Variants in BCAT1 observed in about 807,000 individuals in gnomAD.
The protein encoded by BCAT1 is branched chain amino acid transaminase 1, also known as branched-chain-amino-acid aminotransferase, cytosolic.
A neutral mutation model predicts 52.4 loss-of-function variants in BCAT1; 48 were observed. The observed-to-expected ratio is 0.92, with a 90% CI of 0.73 to 1.16. The LOEUF is 1.16. Ranked by LOEUF, BCAT1 falls within the 50% of genes most tolerant of loss-of-function variation. BCAT1 has a pLI of 0.00. For synonymous variants in BCAT1, 167 were observed against 161.3 expected, an observed-to-expected ratio of 1.04 and a Z score of -0.27; for missense variants, 451 against 457.1, an observed-to-expected ratio of 0.99 and a Z score of 0.12.
At chr12:24,943,285 G>A (rs1943874688) in intron 1 of BCAT1, among the ~76,000 whole-genome samples, 1 of 151,946 alleles carries the variant, frequency 6.6e-6, no homozygotes, top group Non-Finnish European at 1.5e-5. Context: ...TGGAGCCCAG[G>A]AGTTCAAGAC....
chr12:24,826,763 C>A (rs1940415753), intron 10 of BCAT1, among the ~76,000 whole-genome samples: 1 of 152,100 alleles, frequency 6.6e-6, no homozygotes, highest in Non-Finnish European at 1.5e-5. Context: ...TCTTCCAATC[C>A]ATGAATATGG....
intron 10 of BCAT1, among the ~76,000 whole-genome samples, chr12:24,828,881 C>A (rs945730407): frequency 6.6e-6 from 1 of 151,878 alleles, no homozygotes; most frequent in African/African-American, 2.4e-5. Flanking sequence ...TGGCATGAGA[C>A]CTGTAATCCC....
chr12:24,870,390 A>G (rs1942149337), intron 5 of BCAT1, among the ~76,000 whole-genome samples: 1 of 152,266 alleles, frequency 6.6e-6, no homozygotes. Flanking sequence ...AGAAAAAAGT[A>G]GAGATGAAAG....
Position 24,832,816 on chromosome 12 carries a change from TGTCAA to T in BCAT1, c.946_950del (p.Leu316AsnfsTer25). The T allele has an allele frequency of 6.2e-7, 1 of 1,612,502 alleles. No individual in the cohort carries two copies. The highest frequency in any genetic ancestry group is 1.1e-5 in the South Asian group (1 of 90,632). The stretch of plus-strand genomic sequence containing the variant: ...TCACTCTGTTCCCCTCCAGGGCTGT[TGTCAA>T]GTCATCCATGGTGAGGTATCTCTCT... On this transcript the variant is annotated frameshift_variant, in exon 9 of 11. Coordinates refer to ENST00000261192, the MANE Select transcript of BCAT1 (RefSeq NM_005504.7). LOFTEE classifies it high-confidence loss of function.
In BCAT1 at chr12:24,832,737, G is replaced by A. The variant is rs1233713098; in HGVS notation, c.1030C>T (p.Leu344=). The A allele has an allele frequency of 6.2e-7, 1 of 1,610,716 alleles. No individual in the cohort carries two copies. The highest frequency in any genetic ancestry group is 1.3e-5 in the African/African-American group (1 of 74,866). ...ACVVCPVSDI[L]YKGETIHIPT... ...ACTTGTCGTACCTCGCCTTTGTACAGTATATCAGAAACTGGGCAAACAACA... is the reference window on the plus strand; with the variant it reads ...ACTTGTCGTACCTCGCCTTTGTACAATATATCAGAAACTGGGCAAACAACA... Residue 344 remains leucine, a synonymous_variant, in exon 9 of 11, where the codon CTG becomes TTG. Coordinates refer to ENST00000261192, the MANE Select transcript of BCAT1 (RefSeq NM_005504.7).
chr12:24,880,783 C>T (rs1156860131), intron 4 of BCAT1, among the ~76,000 whole-genome samples: 1 of 151,644 alleles, frequency 6.6e-6, no homozygotes, highest in East Asian at 1.9e-4. Flanking sequence ...CCCACAGACA[C>T]TGATTTTAAA....
intron 5 of BCAT1, among the ~76,000 whole-genome samples, chr12:24,865,251 C>T (rs187792741): frequency 6.6e-6 from 1 of 152,294 alleles, no homozygotes; most frequent in East Asian, 1.9e-4. Flanking sequence ...CTTTATTCTA[C>T]CCATATCACT....
chr12:24,878,712 T>C lies in BCAT1; in HGVS notation c.391-63A>G, dbSNP rs16928147. The C allele has an allele frequency of 1.7e-3, 2,560 of 1,464,954 alleles. 40 individuals are homozygous for C. The African/African-American group carries it at 0.03, about 17-fold the overall frequency. The allele number at this position is 1,464,954 out of a possible 1,614,324, so 90.7% of individuals were successfully genotyped here. A position where few individuals can be genotyped will look rare whatever the true frequency, so the allele number is the denominator to read the frequency against. ...CTCACAATGTGGCAATAATAAATGA[T>C]CCTCACTGAAGCATTTAAACTGTTA... On this transcript the variant is annotated intron_variant, in intron 4 of 10. Transcript: ENST00000261192.
At chr12:24,870,764 T>C (rs1004139636) in intron 5 of BCAT1, among the ~76,000 whole-genome samples, 25 of 152,174 alleles carry the variant, frequency 1.6e-4, no homozygotes, top group Non-Finnish European at 4.4e-5. Flanking sequence ...TCAGTGGCTC[T>C]TGCCTGCAAT....
At position 24,813,628 on chromosome 12, in the gene BCAT1, T is replaced by C. The variant is rs1368231949; in HGVS notation, c.*4380A>G. 6.6e-6 allele frequency: 1 copy of C among 151,948 alleles called. No individual in the cohort carries two copies. The highest frequency in any genetic ancestry group is 1.5e-5 in the Non-Finnish European group (1 of 67,906). The allele number at this position is 151,948 out of a possible 1,614,324, so 9.4% of individuals were successfully genotyped here. A position where few individuals can be genotyped will look rare whatever the true frequency, so the allele number is the denominator to read the frequency against. On this transcript the variant is annotated 3_prime_UTR_variant, in exon 11 of 11. Coordinates refer to ENST00000261192, the MANE Select transcript of BCAT1 (RefSeq NM_005504.7). The stretch of plus-strand genomic sequence containing the variant: ...ACACATGTACTAGGTTGGTAGTAAA[T>C]AGTAAAGAAAGAGAAGGTAATTCAC...
chr12:24,923,642 C>T (rs1943534665), intron 1 of BCAT1, among the ~76,000 whole-genome samples: 1 of 152,106 alleles, frequency 6.6e-6, no homozygotes, highest in Non-Finnish European at 1.5e-5. Flanking sequence ...ACTCCTGAGC[C>T]CAAGCGATCC....
chr12:24,917,585 A>T (rs1002357438), intron 1 of BCAT1, among the ~76,000 whole-genome samples: 1 of 152,106 alleles, frequency 6.6e-6, no homozygotes, highest in Non-Finnish European at 1.5e-5. Context: ...ATTTCCTTGA[A>T]TACACAGCAC....
At chr12:24,843,464 G>A (rs760097223) in intron 6 of BCAT1, among the ~76,000 whole-genome samples, 13 of 152,104 alleles carry the variant, frequency 8.5e-5, no homozygotes, top group Non-Finnish European at 1.3e-4. Flanking sequence ...TTAGCTGGGC[G>A]TGGTGGCGGG....
chr12:24,839,255 G>C (rs766637022), intron 7 of BCAT1, among the ~76,000 whole-genome samples: 1 of 152,192 alleles, frequency 6.6e-6, no homozygotes, highest in Non-Finnish European at 1.5e-5. Context: ...AATGGGATTT[G>C]TAAGCAAAGA....
At chr12:24,902,052 G>C (rs550307893) in intron 1 of BCAT1, 167 bp from the exon 2 acceptor site, 1 of 1,539,196 alleles carries the variant, frequency 6.5e-7, no homozygotes, top group African/African-American at 1.4e-5. Flanking sequence ...CCTCCAACAA[G>C]CGTGTCTTGG....
intron 7 of BCAT1, among the ~76,000 whole-genome samples, chr12:24,841,572 C>A (rs916316997): frequency 4.0e-5 from 6 of 151,874 alleles, no homozygotes; most frequent in African/African-American, 1.5e-4. Flanking sequence ...GCCAGAAAAA[C>A]AAAAAACGAA....
At chr12:24,907,424 A>G (rs1463194376) in intron 1 of BCAT1, among the ~76,000 whole-genome samples, 1 of 152,208 alleles carries the variant, frequency 6.6e-6, no homozygotes, top group African/African-American at 2.4e-5. Flanking sequence ...AAGCTAATCC[A>G]TCATATCCCC....
intron 1 of BCAT1, among the ~76,000 whole-genome samples, chr12:24,942,217 G>A (rs962864992): frequency 6.6e-6 from 1 of 152,176 alleles, no homozygotes; most frequent in Non-Finnish European, 1.5e-5. Flanking sequence ...TCCACAGGAC[G>A]TGGTACCTGC....
At chr12:24,883,218 G>C (rs572031053) in intron 3 of BCAT1, among the ~76,000 whole-genome samples, 1 of 152,132 alleles carries the variant, frequency 6.6e-6, no homozygotes, top group Admixed American at 6.5e-5. Flanking sequence ...CCCAGGAGGC[G>C]GAGATTGTGG....
Sources: allele counts gnomAD v4.1 joint callset (sites outside exome capture counted in the v4.1 genomes callset), GRCh38; gene constraint gnomAD v4.1.1; transcripts MANE v1.5; gene names NCBI Gene and HGNC (gene_info 2026-07-23, HGNC 2026-07-21).